GLB1L3: variants seen among roughly 807,000 people sequenced by gnomAD.
GLB1L3 encodes beta-galactosidase-1-like protein 3.
In GLB1L3, 89 loss-of-function variants were observed where a neutral mutation model predicts 89.5. The observed-to-expected ratio is 0.99, with a 90% CI of 0.84 to 1.19. The LOEUF (loss-of-function observed/expected upper bound fraction) is 1.19, where lower values mean the gene tolerates loss of function less well. Among genes scored for constraint, GLB1L3 ranks in the 50% most tolerant of loss-of-function variants. The pLI, the probability that GLB1L3 is intolerant of heterozygous loss-of-function variation, is 0.00. For missense variants in GLB1L3, 812 were observed against 813.3 expected (o/e 1.00, Z 0.02); for synonymous variants, 314 against 312.3 (o/e 1.01, Z -0.06).
chr11:134,297,875 A>G (rs1941735714), intron 9 of GLB1L3, among the ~76,000 whole-genome samples: 1 of 136,342 alleles, frequency 7.3e-6, no homozygotes, highest in African/African-American at 2.7e-5. Context: ...AAAAAAAAAA[A>G]AAAAGAAAGA....
intron 7 of GLB1L3, among the ~76,000 whole-genome samples, chr11:134,290,111 G>A (rs906833929): frequency 3.3e-5 from 5 of 152,234 alleles, no homozygotes; most frequent in African/African-American, 1.2e-4. Flanking sequence ...AGGTCAGAGA[G>A]TAATTTCCCT....
intron 16 of GLB1L3, 96 bp from the exon 17 acceptor site, chr11:134,313,845 A>G (rs1361237441): frequency 2.5e-6 from 2 of 791,154 alleles, no homozygotes; most frequent in Non-Finnish European, 4.3e-6. Context: ...CCCCTGTCCT[A>G]AGGCATGTAC....
chr11:134,288,937 C>G (rs748080081), intron 7 of GLB1L3, 47 bp downstream of exon 7: 4 of 1,294,902 alleles, frequency 3.1e-6, no homozygotes, highest in Admixed American at 3.7e-5. Context: ...CTCCTTCCTC[C>G]TCTGTGCGTT....
intron 9 of GLB1L3, chr11:134,305,001 C>A: frequency 8.4e-7 from 1 of 1,196,192 alleles, no homozygotes; most frequent in Non-Finnish European, 1.1e-6. Context: ...CATGCGACTG[C>A]GCTAACAATG....
At chr11:134,291,138 C>T (rs1941332665) in intron 7 of GLB1L3, among the ~76,000 whole-genome samples, 1 of 152,138 alleles carries the variant, frequency 6.6e-6, no homozygotes, top group South Asian at 2.1e-4. Flanking sequence ...TTCCGATTTC[C>T]TCATATAGTC....
At chr11:134,299,228 A>G (rs1237309464) in intron 9 of GLB1L3, among the ~76,000 whole-genome samples, 2 of 151,676 alleles carry the variant, frequency 1.3e-5, no homozygotes, top group Admixed American at 1.3e-4. Flanking sequence ...TTCCTTTTCC[A>G]TGATAGTCTT....
intron 6 of GLB1L3, among the ~76,000 whole-genome samples, chr11:134,288,267 G>A (rs1296073489): frequency 6.6e-6 from 1 of 152,142 alleles, no homozygotes; most frequent in Non-Finnish European, 1.5e-5. Context: ...TTAATGAGGA[G>A]AGTGGGAAGA....
chr11:134,287,079 TG>T (rs1941049662), intron 6 of GLB1L3: 1 of 151,604 alleles, frequency 6.6e-6, no homozygotes, highest in South Asian at 2.1e-4. Context: ...GAGAATGACG[TG>T]AACCCGGGAG....
rs1287466652 is a variant in GLB1L3 at position 134,293,117 on chromosome 11, C to T, written c.812-28C>T. On this transcript the variant is annotated intron_variant, in intron 8 of 19. Transcript: ENST00000431683. ...CCCTGACAGCACTTGTCTCATGCCT[C>T]AGCTGGGTCTCTCTCTTCTTTATGC... 4 of 1,604,682 alleles carry T rather than the reference C, an allele frequency of 2.5e-6. No homozygotes were observed. In the East Asian group the frequency reaches 6.7e-5, roughly 27 times the overall value.
At chr11:134,283,485 G>C (rs1246216231) in intron 5 of GLB1L3, among the ~76,000 whole-genome samples, 1 of 152,226 alleles carries the variant, frequency 6.6e-6, no homozygotes, top group Admixed American at 6.5e-5. Context: ...AGACCAAATA[G>C]AGCTGAAGGC....
downstream of GLB1L3, among the ~76,000 whole-genome samples, chr11:134,323,490 G>A (rs1271825554): frequency 6.6e-6 from 1 of 151,796 alleles, no homozygotes; most frequent in Non-Finnish European, 1.5e-5. Flanking sequence ...CAGGAGAATC[G>A]CTTGAACCCG....
At chr11:134,294,304 G>A (rs1038262015) in intron 9 of GLB1L3, among the ~76,000 whole-genome samples, 9 of 152,100 alleles carry the variant, frequency 5.9e-5, no homozygotes, top group African/African-American at 2.2e-4. Context: ...CTGACCCCAG[G>A]TGATCCACCC....
At chr11:134,289,903 T>C (rs1386426811) in intron 7 of GLB1L3, among the ~76,000 whole-genome samples, 1 of 152,136 alleles carries the variant, frequency 6.6e-6, no homozygotes, top group East Asian at 1.9e-4. Flanking sequence ...CCAAGCAGAG[T>C]GCAGGGCTGC....
At chr11:134,315,423 C>T (rs938835516) in intron 18 of GLB1L3, among the ~76,000 whole-genome samples, 1 of 152,112 alleles carries the variant, frequency 6.6e-6, no homozygotes, top group Admixed American at 6.6e-5. Flanking sequence ...TAATGGAGTT[C>T]ATTAGTGAAG....
At chr11:134,285,790 C>T (rs1342404528) in intron 6 of GLB1L3, among the ~76,000 whole-genome samples, 6 of 152,058 alleles carry the variant, frequency 3.9e-5, no homozygotes, top group Admixed American at 3.9e-4. Context: ...ACCAAAAAAA[C>T]ACCTGGATTT....
chr11:134,319,030 C>A lies in GLB1L3; in HGVS notation c.*88C>A. On this transcript the variant is annotated 3_prime_UTR_variant, in exon 20 of 20. Transcript: ENST00000431683. The stretch of plus-strand genomic sequence containing the variant: ...AGTGCAGTGGCACAATCTCTGCTCA[C>A]TGCAAGCTCAGCCTCTCGGGTTCAC... 1.1e-6 allele frequency: 1 copy of A among 924,550 alleles called. No homozygotes were observed. The highest frequency in any genetic ancestry group is 1.4e-5 in the South Asian group (1 of 72,552). 57.3% of individuals were successfully genotyped at this position (924,550 alleles called of 1,614,324 possible).
chr11:134,301,212 C>A (rs995061886), intron 9 of GLB1L3, among the ~76,000 whole-genome samples: 1 of 152,144 alleles, frequency 6.6e-6, no homozygotes, highest in Non-Finnish European at 1.5e-5. Context: ...TTTGGTTGCT[C>A]TGTGACCTAG....
chr11:134,311,059 T>G lies in GLB1L3; in HGVS notation c.1181-5T>G. 1 of 1,612,276 alleles carries G rather than the reference T, an allele frequency of 6.2e-7. No individual in the cohort carries two copies. Among genetic ancestry groups the G allele is most frequent in the Non-Finnish European group, 8.5e-7 (1 of 1,178,630 alleles). ...TTTTTGCCCTGTGCCCCATCTCCAT[T>G]GCAGCAACTCCCCTGCCCCGAGTAC... On this transcript the variant is annotated splice_region_variant and splice_polypyrimidine_tract_variant and intron_variant, in intron 12 of 19. Transcript: ENST00000431683.
chr11:134,308,679 C>CCACCACCACCAACATGT (rs1565414991), intron 10 of GLB1L3, among the ~76,000 whole-genome samples: 1 of 151,506 alleles, frequency 6.6e-6, no homozygotes, highest in East Asian at 1.9e-4. Context: ...ACCACCAACA[C>CCACCACCACCAACATGT]CACCACCACC....
Sources: allele counts gnomAD v4.1 joint callset (sites outside exome capture counted in the v4.1 genomes callset), GRCh38; gene constraint gnomAD v4.1.1; transcripts MANE v1.5; gene names NCBI Gene and HGNC (gene_info 2026-07-23, HGNC 2026-07-21).